MTMR10: variants seen among roughly 807,000 people sequenced by gnomAD.
MTMR10 encodes the protein myotubularin-related protein 10.
In MTMR10, 56 loss-of-function variants were observed where a neutral mutation model predicts 88.1. The observed-to-expected ratio is 0.64, with a 90% CI of 0.51 to 0.79. MTMR10 has a LOEUF of 0.79. Among genes scored for constraint, MTMR10 ranks in the 30% least tolerant of loss-of-function variants. The pLI, the probability that MTMR10 is intolerant of heterozygous loss-of-function variation, is 0.00. For missense variants in MTMR10, 883 were observed against 924.7 expected (o/e 0.95, Z 0.58); for synonymous variants, 380 against 340.9 (o/e 1.11, Z -1.26).
the MTMR10 span, chr15:30,928,806 A>C: frequency 6.8e-7 from 1 of 1,461,588 alleles, no homozygotes; most frequent in African/African-American, 1.4e-5. Context: ...ACTTATTTTA[A>C]AAATCTGAGT....
the MTMR10 span, among the ~76,000 whole-genome samples, chr15:30,929,701 ATTATATC>A: frequency 3.3e-5 from 2 of 60,994 alleles, no homozygotes; most frequent in African/African-American, 5.8e-5. Flanking sequence ...TAAAATATAT[ATTATATC>A]ATATATAATA....
the MTMR10 span, chr15:30,930,589 G>C: frequency 6.2e-7 from 1 of 1,613,080 alleles, no homozygotes; most frequent in Non-Finnish European, 8.5e-7. Context: ...GGTGTGTGCA[G>C]GCACCTGGCT....
chr15:30,941,782 G>A lies in MTMR10; in HGVS notation c.2022C>T (p.Gly674=), dbSNP rs1169965518. The change falls in exon 16 of 16, where the codon GGC becomes GGT. Residue 674 remains glycine, a synonymous_variant. Coordinates refer to ENST00000435680, the MANE Select transcript of MTMR10 (RefSeq NM_017762.3). ...AGAGCTTGTGAAAGGCTGTGATGGA[G>A]CCACCCAGGCTGATCTGGGCCTCGG... The part of the protein sequence containing the change: ...WVPEAQISLG[G]SITAFHKLSL... The A allele has an allele frequency of 1.2e-6, 2 of 1,613,884 alleles. No individual in the cohort carries two copies. The highest frequency in any genetic ancestry group is 2.2e-5 in the East Asian group (1 of 44,898).
chr15:30,933,807 G>C, the MTMR10 span, among the ~76,000 whole-genome samples: 3 of 151,854 alleles, frequency 2.0e-5, no homozygotes, highest in Non-Finnish European at 4.4e-5. Flanking sequence ...ACCTAGGCTG[G>C]AGTGTAGTGG....
intron 2 of MTMR10, among the ~76,000 whole-genome samples, chr15:30,982,488 A>G (rs565725006): frequency 6.6e-6 from 1 of 151,914 alleles, no homozygotes; most frequent in South Asian, 2.1e-4. Context: ...AACAACAGCC[A>G]AAAAAAAGAA....
At chr15:30,989,544 G>A (rs1425291) in intron 2 of MTMR10, among the ~76,000 whole-genome samples, 88,895 of 151,404 alleles carry the variant, frequency 0.59, 27,487 homozygotes, top group African/African-American at 0.77. Context: ...GTCAGATTTT[G>A]CAATGCTGAT....
In MTMR10 at chr15:30,991,542, G is replaced by A; in HGVS notation, c.-36C>T. 2.0e-6 allele frequency: 3 copies of A among 1,532,824 alleles called. No individual in the cohort carries two copies. Among genetic ancestry groups the A allele is most frequent in the African/African-American group, 1.4e-5 (1 of 69,094 alleles). The allele number at this position is 1,532,824 out of a possible 1,614,324, so 95.0% of individuals were successfully genotyped here. On this transcript the variant is annotated 5_prime_UTR_variant, in exon 1 of 16. Coordinates refer to ENST00000435680, the MANE Select transcript of MTMR10 (RefSeq NM_017762.3). ...CCTTTTCGCCCCGTTCCCGTCGCGG[G>A]CCAGTGGCAGCGCCGACGCCTCCGG...
chr15:30,983,650 C>T (rs2030741236), intron 2 of MTMR10, among the ~76,000 whole-genome samples: 1 of 152,156 alleles, frequency 6.6e-6, no homozygotes, highest in Non-Finnish European at 1.5e-5. Flanking sequence ...CATAACTTAA[C>T]TTGGGCTTTT....
rs1007798056 is a variant in MTMR10 at position 30,941,236 on chromosome 15, C to T, written c.*234G>A. ...GCAGACAACATGAACAGTTTGATCA[C>T]GGTTACAAGAGCCAGACCTGTAATG... On this transcript the variant is annotated 3_prime_UTR_variant, in exon 16 of 16. Transcript: ENST00000435680. 2.5e-5 allele frequency: 36 copies of T among 1,426,312 alleles called. No individual in the cohort carries two copies. The Admixed American group carries it at 2.7e-4, about 11-fold the overall frequency. The allele number at this position is 1,426,312 out of a possible 1,614,324, so 88.4% of individuals were successfully genotyped here. A position where few individuals can be genotyped will look rare whatever the true frequency, so the allele number is the denominator to read the frequency against.
At chr15:30,987,897 G>A (rs544940042) in intron 2 of MTMR10, among the ~76,000 whole-genome samples, 31 of 148,016 alleles carry the variant, frequency 2.1e-4, no homozygotes, top group Non-Finnish European at 3.7e-4. Context: ...ACAGGCCCCG[G>A]TGTGTGATGT....
In MTMR10 at chr15:30,939,711, T is replaced by C. The variant is rs1210316371; in HGVS notation, c.*1759A>G. 2.1e-6 allele frequency: 2 copies of C among 974,166 alleles called. No individual in the cohort carries two copies. The highest frequency in any genetic ancestry group is 1.1e-4 in the East Asian group (1 of 8,770). The allele number at this position is 974,166 out of a possible 1,614,324, so 60.3% of individuals were successfully genotyped here. On this transcript the variant is annotated 3_prime_UTR_variant, in exon 16 of 16. Coordinates refer to ENST00000435680, the MANE Select transcript of MTMR10 (RefSeq NM_017762.3). Reference sequence around the variant, plus strand: ...AGGGAAAAATGCTCAATCCAAAACATTTAGTAATAATAAAAAAGCAGCTAA... The same window carrying C: ...AGGGAAAAATGCTCAATCCAAAACACTTAGTAATAATAAAAAAGCAGCTAA...
the MTMR10 span, among the ~76,000 whole-genome samples, chr15:30,932,804 C>G: frequency 3.3e-5 from 5 of 150,476 alleles, no homozygotes; most frequent in African/African-American, 1.2e-4. Flanking sequence ...CTTCCGCCTC[C>G]TGGGTTCAAG....
chr15:30,942,260 G>A (rs2063079740), intron 15 of MTMR10, 188 bp from the exon 16 acceptor site: 1 of 721,830 alleles, frequency 1.4e-6, no homozygotes, highest in Non-Finnish European at 2.2e-6. Flanking sequence ...TTTATGTGTT[G>A]ACTCTACCTA....
At chr15:30,927,681 C>T in the MTMR10 span, 1 of 985,672 alleles carries the variant, frequency 1.0e-6, no homozygotes, top group Non-Finnish European at 1.2e-6. Context: ...GTCTGGTGGT[C>T]AGCACCTCCT....
rs923725083 is a variant in MTMR10 at position 30,943,839 on chromosome 15, C to T, written c.1549-767G>A. Reference sequence around the variant, plus strand: ...CAGCCCAGACCATTTCTATGAAGCACAGTCACATTTAGCAATGTGGAGAAA... The same window carrying T: ...CAGCCCAGACCATTTCTATGAAGCATAGTCACATTTAGCAATGTGGAGAAA... On this transcript the variant is annotated intron_variant, in intron 14 of 15. Coordinates refer to ENST00000435680, the MANE Select transcript of MTMR10 (RefSeq NM_017762.3). 3.0e-6 allele frequency: 3 copies of T among 985,304 alleles called. No individual in the cohort carries two copies. In the African/African-American group the frequency reaches 5.2e-5, roughly 17 times the overall value. The allele number at this position is 985,304 out of a possible 1,614,324, so 61.0% of individuals were successfully genotyped here.
intron 15 of MTMR10, 136 bp from the exon 16 acceptor site, chr15:30,942,208 T>C: frequency 1.8e-6 from 2 of 1,089,892 alleles, no homozygotes; most frequent in East Asian, 2.4e-5. Context: ...CTCCCTTCCT[T>C]TGTGTCCTTA....
intron 2 of MTMR10, among the ~76,000 whole-genome samples, chr15:30,977,518 GAAAT>G (rs1233997372): frequency 1.3e-5 from 2 of 152,146 alleles, no homozygotes; most frequent in African/African-American, 2.4e-5. Context: ...AAGATTAAAA[GAAAT>G]AAATATAAGA....
chr15:30,922,150 T>C, the MTMR10 span: 1 of 1,505,014 alleles, frequency 6.6e-7, no homozygotes, highest in Non-Finnish European at 9.0e-7. Flanking sequence ...ATAAATAGGC[T>C]TTACCAATCC....
At chr15:30,944,943 C>A (rs888781608) in intron 14 of MTMR10, among the ~76,000 whole-genome samples, 15 of 151,014 alleles carry the variant, frequency 9.9e-5, no homozygotes, top group Admixed American at 7.3e-4. Context: ...ACCCAGGAGG[C>A]AGAGGTTGCA....
Sources: gnomAD v4.1 joint callset for allele counts (sites outside exome capture counted in the v4.1 genomes callset) on GRCh38, gnomAD v4.1.1 for gene constraint, MANE v1.5 for transcripts, NCBI Gene and HGNC (gene_info 2026-07-23, HGNC 2026-07-21) for gene names.